The following KCNIP4 variants were observed in gnomAD, a reference collection of about 807,000 sequenced individuals.
KCNIP4 encodes Kv channel-interacting protein 4.
Under a neutral mutation model 34.0 loss-of-function variants are expected in KCNIP4, and 12 were observed. That is an observed-to-expected ratio of 0.35 (90% CI 0.23 to 0.57). The LOEUF (loss-of-function observed/expected upper bound fraction) is 0.57, where lower values mean the gene tolerates loss of function less well. KCNIP4 is among the 20% of genes least tolerant of loss of function. KCNIP4 has a pLI of 0.83. For synonymous variants in KCNIP4, 124 were observed against 102.2 expected, an observed-to-expected ratio of 1.21 and a Z score of -1.29; for missense variants, 238 against 311.7, an observed-to-expected ratio of 0.76 and a Z score of 1.78.
At chr4:21,887,010 A>T (rs968787419) in intron 1 of KCNIP4, among the ~76,000 whole-genome samples, 2 of 152,180 alleles carry the variant, frequency 1.3e-5, no homozygotes, top group African/African-American at 4.8e-5. Context: ...TCTACTAAGC[A>T]GCAAGCTATT....
chr4:20,975,737 C>G (rs1315410157), intron 1 of KCNIP4, among the ~76,000 whole-genome samples: 2 of 152,090 alleles, frequency 1.3e-5, no homozygotes, highest in East Asian at 3.9e-4. Flanking sequence ...CCTTTATTGC[C>G]AACTCTAGAA....
At chr4:21,499,706 C>A (rs1244203425) in intron 1 of KCNIP4, among the ~76,000 whole-genome samples, 1 of 152,008 alleles carries the variant, frequency 6.6e-6, no homozygotes, top group Non-Finnish European at 1.5e-5. Context: ...AGCATATGAA[C>A]ACTATGATGA....
At chr4:20,731,982 A>T in intron 8 of KCNIP4, 24 bp downstream of exon 8, 1 of 1,612,526 alleles carries the variant, frequency 6.2e-7, no homozygotes, top group Non-Finnish European at 8.5e-7. Flanking sequence ...CTGAATTGAT[A>T]GTTATTACAC....
chr4:21,507,728 G>A (rs2109911218), intron 1 of KCNIP4, among the ~76,000 whole-genome samples: 1 of 152,258 alleles, frequency 6.6e-6, no homozygotes, highest in East Asian at 1.9e-4. Context: ...TGGCTATGCT[G>A]ATTACAAATT....
intron 1 of KCNIP4, among the ~76,000 whole-genome samples, chr4:21,412,085 C>T (rs972497574): frequency 6.6e-6 from 1 of 152,068 alleles, no homozygotes; most frequent in African/African-American, 2.4e-5. Context: ...GGATGCTTAC[C>T]CTCACTCACA....
At chr4:21,175,190 C>T (rs1478834901) in intron 1 of KCNIP4, among the ~76,000 whole-genome samples, 1 of 151,730 alleles carries the variant, frequency 6.6e-6, no homozygotes, top group Non-Finnish European at 1.5e-5. Context: ...CTAGAGATGT[C>T]TTTCTCAAGG....
chr4:21,908,738 A>T (rs913129721), intron 1 of KCNIP4, among the ~76,000 whole-genome samples: 1 of 152,168 alleles, frequency 6.6e-6, no homozygotes, highest in African/African-American at 2.4e-5. Flanking sequence ...TTAATCAGAA[A>T]TCATTTTATT....
chr4:21,198,810 T>C, intron 1 of KCNIP4, among the ~76,000 whole-genome samples: 1 of 152,220 alleles, frequency 6.6e-6, no homozygotes, highest in South Asian at 2.1e-4. Context: ...AGGGCACCTA[T>C]AGGCCAATTG....
intron 2 of KCNIP4, among the ~76,000 whole-genome samples, chr4:20,875,930 A>G (rs1032288171): frequency 2.6e-5 from 4 of 152,228 alleles, no homozygotes; most frequent in Admixed American, 2.0e-4. Context: ...CAAAAACCTG[A>G]AACACAGTTA....
chr4:21,047,775 C>G (rs1337642021), intron 1 of KCNIP4, among the ~76,000 whole-genome samples: 4 of 152,184 alleles, frequency 2.6e-5, no homozygotes, highest in African/African-American at 9.7e-5. Flanking sequence ...GAGCAGCTAC[C>G]ACATTCATTT....
chr4:21,706,932 G>C (rs1325686760), intron 1 of KCNIP4, among the ~76,000 whole-genome samples: 1 of 152,154 alleles, frequency 6.6e-6, no homozygotes, highest in Non-Finnish European at 1.5e-5. Flanking sequence ...ACTTGCTACT[G>C]TCCATTAGAG....
intron 1 of KCNIP4, among the ~76,000 whole-genome samples, chr4:20,983,572 C>T (rs1736296768): frequency 6.6e-6 from 1 of 152,122 alleles, no homozygotes; most frequent in East Asian, 1.9e-4. Flanking sequence ...ATATTTAACC[C>T]ACAAAATACT....
At chr4:21,488,281 T>C (rs763276519) in intron 1 of KCNIP4, among the ~76,000 whole-genome samples, 1 of 152,190 alleles carries the variant, frequency 6.6e-6, no homozygotes, top group Non-Finnish European at 1.5e-5. Flanking sequence ...GTGAGAAATA[T>C]GGCTCCCATA....
chr4:21,005,618 T>C (rs927752832), intron 1 of KCNIP4, among the ~76,000 whole-genome samples: 2 of 152,172 alleles, frequency 1.3e-5, no homozygotes, highest in South Asian at 2.1e-4. Flanking sequence ...TCAGACCAAA[T>C]GAGTTCCCAA....
intron 1 of KCNIP4, among the ~76,000 whole-genome samples, chr4:21,469,398 A>G (rs901999118): frequency 1.3e-5 from 2 of 152,138 alleles, no homozygotes; most frequent in African/African-American, 4.8e-5. Context: ...ATTTCCTCTG[A>G]GACTTCTTCC....
chr4:21,275,218 A>T (rs572134713), intron 1 of KCNIP4, among the ~76,000 whole-genome samples: 1 of 152,158 alleles, frequency 6.6e-6, no homozygotes, highest in South Asian at 2.1e-4. Context: ...TTTCTGAAAG[A>T]CCCTCTGGAC....
intron 1 of KCNIP4, among the ~76,000 whole-genome samples, chr4:21,085,466 A>T (rs1746338733): frequency 6.6e-6 from 1 of 152,176 alleles, no homozygotes; most frequent in Non-Finnish European, 1.5e-5. Flanking sequence ...TCTATACTGA[A>T]GTCTATTTCA....
chr4:21,414,193 T>A (rs1425841290), intron 1 of KCNIP4, among the ~76,000 whole-genome samples: 1 of 151,948 alleles, frequency 6.6e-6, no homozygotes, highest in African/African-American at 2.4e-5. Flanking sequence ...TTTATTGCAA[T>A]TATAGGCAGA....
chr4:21,433,657 T>C (rs1726696250), intron 1 of KCNIP4, among the ~76,000 whole-genome samples: 1 of 152,194 alleles, frequency 6.6e-6, no homozygotes, highest in South Asian at 2.1e-4. Flanking sequence ...TAGGTGTCAG[T>C]AATTGGTACC....
Sources: gnomAD v4.1 joint callset for allele counts (sites outside exome capture counted in the v4.1 genomes callset) on GRCh38, gnomAD v4.1.1 for gene constraint, MANE v1.5 for transcripts, NCBI Gene and HGNC (gene_info 2026-07-23, HGNC 2026-07-21) for gene names.